CEP112: variants seen among roughly 807,000 people sequenced by gnomAD.
CEP112 encodes the protein centrosomal protein 112.
In CEP112, 127 loss-of-function variants were observed where a neutral mutation model predicts 153.0. The ratio of observed to expected loss-of-function variants is 0.83; its 90% CI spans 0.72 to 0.96. The LOEUF is 0.96. Ranked by LOEUF, CEP112 falls within the 40% of genes least tolerant of loss-of-function variation. The pLI, the probability that CEP112 is intolerant of heterozygous loss-of-function variation, is 0.00. For synonymous variants in CEP112, 358 were observed against 374.4 expected (o/e 0.96, Z 0.51); for missense variants, 1,089 against 1,101.2 (o/e 0.99, Z 0.16).
rs1289714771 is a variant in CEP112 at position 65,795,672 on chromosome 17, C to T, written c.2395-44948G>A. On this transcript the variant is annotated intron_variant, in intron 21 of 26. Coordinates refer to ENST00000535342, the MANE Select transcript of CEP112 (RefSeq NM_001199165.4). ...ACCAAAAGTACAAAAATTAGCTGGG[C>T]ATGGTGGTGCGCACCTGTAATCCCA... Among the ~76,000 whole-genome samples, 6 of 152,120 alleles carry T rather than the reference C, an allele frequency of 3.9e-5. No homozygotes were observed. The East Asian group carries it at 1.2e-3, about 30-fold the overall frequency.
chr17:66,127,886 C>CT (rs2069925383), intron 6 of CEP112, among the ~76,000 whole-genome samples: 2 of 152,330 alleles, frequency 1.3e-5, no homozygotes, highest in South Asian at 4.1e-4. Flanking sequence ...AGAACCAAGC[C>CT]TTTAGGTGCC....
intron 9 of CEP112, 112 bp from the exon 10 acceptor site, chr17:66,066,989 C>A: frequency 4.0e-5 from 22 of 544,494 alleles, no homozygotes; most frequent in Non-Finnish European, 4.9e-5. Flanking sequence ...GTGATTTTAA[C>A]AAATATGACT....
intron 4 of CEP112, among the ~76,000 whole-genome samples, chr17:66,173,598 A>G (rs985454778): frequency 1.3e-5 from 2 of 152,208 alleles, no homozygotes; most frequent in African/African-American, 2.4e-5. Flanking sequence ...CTTAGCAGAT[A>G]TTTTGGCAAA....
intron 18 of CEP112, among the ~76,000 whole-genome samples, chr17:65,941,232 AAATAAAT>A (rs2061497227): frequency 6.6e-6 from 1 of 152,054 alleles, no homozygotes; most frequent in African/African-American, 2.4e-5. Context: ...GAAATATTAA[AAATAAAT>A]AATAAACATT....
chr17:65,880,716 C>G (rs552196947), intron 20 of CEP112, among the ~76,000 whole-genome samples: 1 of 152,330 alleles, frequency 6.6e-6, no homozygotes, highest in South Asian at 2.1e-4. Flanking sequence ...AAGACGTGCT[C>G]TGAGGCTGGG....
chr17:65,756,267 G>A lies in CEP112; in HGVS notation c.2395-5543C>T, dbSNP rs776637942. 5.3e-5 allele frequency among the ~76,000 whole-genome samples: 8 copies of A among 152,010 alleles called. No individual in the cohort carries two copies. In the South Asian group the frequency reaches 6.3e-4, roughly 12 times the overall value. On this transcript the variant is annotated intron_variant, in intron 21 of 26. Transcript: ENST00000535342. ...AAAAATACAAAAAAATTAGCTGGGC[G>A]TGGTGGCGGAAGCCTGTAATCCCAG...
At chr17:65,653,337 T>C (rs187313357) in intron 24 of CEP112, among the ~76,000 whole-genome samples, 102 of 152,286 alleles carry the variant, frequency 6.7e-4, no homozygotes, top group African/African-American at 2.4e-3. Flanking sequence ...CATAGGAGGA[T>C]TAAGGGAAAA....
At position 65,660,346 on chromosome 17, in the gene CEP112, C is replaced by T. The variant is rs202107172; in HGVS notation, c.2698-19281G>A. On this transcript the variant is annotated intron_variant, in intron 24 of 26. Coordinates refer to ENST00000535342, the MANE Select transcript of CEP112 (RefSeq NM_001199165.4). ...TTTCTTTCTCTTTCTTTCTTTTTCT[C>T]TCTCGTTCCTTCCTCCCTCCCTCCC... is the stretch of plus-strand genomic sequence containing the variant. 1.5e-4 allele frequency among the ~76,000 whole-genome samples: 17 copies of T among 116,580 alleles called. 2 individuals are homozygous for T. The East Asian group carries it at 2.8e-3, about 19-fold the overall frequency. The allele number at this position is 116,580 out of a possible 152,430, so 76.5% of individuals were successfully genotyped here. A position where few individuals can be genotyped will look rare whatever the true frequency, so the allele number is the denominator to read the frequency against.
intron 20 of CEP112, among the ~76,000 whole-genome samples, chr17:65,869,001 TA>T (rs1179380740): frequency 6.6e-6 from 1 of 152,204 alleles, no homozygotes; most frequent in Non-Finnish European, 1.5e-5. Context: ...AGGTAGCTGG[TA>T]ACAGTAGAAA....
chr17:66,106,004 G>A (rs1258001980), intron 6 of CEP112, among the ~76,000 whole-genome samples: 2 of 152,010 alleles, frequency 1.3e-5, no homozygotes, highest in Non-Finnish European at 2.9e-5. Flanking sequence ...GAAGAATTTT[G>A]AAAACTATAC....
At chr17:65,701,185 A>G (rs556015327) in intron 23 of CEP112, among the ~76,000 whole-genome samples, 3 of 152,112 alleles carry the variant, frequency 2.0e-5, no homozygotes, top group Admixed American at 6.5e-5. Context: ...GGGGGAATGC[A>G]TGTGCCGGGA....
chr17:66,156,999 C>A (rs2071472418), intron 4 of CEP112, among the ~76,000 whole-genome samples: 2 of 152,088 alleles, frequency 1.3e-5, no homozygotes, highest in Non-Finnish European at 2.9e-5. Flanking sequence ...CAAGACAAAC[C>A]AATATTCAAA....
intron 23 of CEP112, among the ~76,000 whole-genome samples, chr17:65,739,021 A>C (rs1308528558): frequency 6.6e-6 from 1 of 152,242 alleles, no homozygotes; most frequent in African/African-American, 2.4e-5. Flanking sequence ...TTCCTAGGGC[A>C]GGGCTTAATG....
chr17:65,929,089 T>TG (rs1477497601), intron 18 of CEP112, among the ~76,000 whole-genome samples: 1 of 152,204 alleles, frequency 6.6e-6, no homozygotes, highest in Admixed American at 6.5e-5. Context: ...GGTGTTTCTT[T>TG]GGGGGAAGAT....
chr17:65,760,823 A>G (rs961224881), intron 21 of CEP112, among the ~76,000 whole-genome samples: 2 of 152,110 alleles, frequency 1.3e-5, no homozygotes, highest in African/African-American at 4.8e-5. Context: ...GAGGATTGGT[A>G]TAATTTCTTC....
At chr17:65,913,202 T>C (rs72831482) in intron 19 of CEP112, among the ~76,000 whole-genome samples, 188 of 152,314 alleles carry the variant, frequency 1.2e-3, no homozygotes, top group Middle Eastern at 3.4e-3. Flanking sequence ...GCTGCAGAAA[T>C]TTTACGCTAA....
chr17:65,775,703 A>G (rs1254144961), intron 21 of CEP112, among the ~76,000 whole-genome samples: 1 of 152,010 alleles, frequency 6.6e-6, no homozygotes, highest in Non-Finnish European at 1.5e-5. Flanking sequence ...GCATTTCACC[A>G]TGTTGACTAG....
At chr17:65,848,866 G>A (rs180804094) in intron 21 of CEP112, among the ~76,000 whole-genome samples, 4 of 144,216 alleles carry the variant, frequency 2.8e-5, no homozygotes, top group Admixed American at 2.1e-4. Context: ...TGCTACTGCC[G>A]ACACTCTCAC....
chr17:65,703,662 T>C (rs1293329729), intron 23 of CEP112, among the ~76,000 whole-genome samples: 3 of 149,198 alleles, frequency 2.0e-5, no homozygotes, highest in East Asian at 2.0e-4. Flanking sequence ...GCTCCACACA[T>C]TGCCCTGTGA....
Sources: gnomAD v4.1 joint callset for allele counts (sites outside exome capture counted in the v4.1 genomes callset) on GRCh38, gnomAD v4.1.1 for gene constraint, MANE v1.5 for transcripts, NCBI Gene and HGNC (gene_info 2026-07-23, HGNC 2026-07-21) for gene names.